The following CPED1 variants were observed in gnomAD, a reference collection of about 807,000 sequenced individuals.
The protein encoded by CPED1 is cadherin like and PC-esterase domain containing 1.
Under a neutral mutation model 128.2 loss-of-function variants are expected in CPED1, and 114 were observed. The ratio of observed to expected loss-of-function variants is 0.89; its 90% CI spans 0.76 to 1.04. CPED1 has a LOEUF of 1.04. CPED1 is among the 50% of genes least tolerant of loss of function. The pLI is 0.00. For missense variants in CPED1, 1,211 were observed against 1,207.1 expected (o/e 1.00, Z -0.05); for synonymous variants, 462 against 426.7 (o/e 1.08, Z -1.02).
chr7:121,011,871 G>A lies in CPED1; in HGVS notation c.250-3794G>A, dbSNP rs537928403. ...AAACCAAATTAATTGAAAGGCTTAT[G>A]GAATTTCGAATATAAAGTTACAATA... On this transcript the variant is annotated intron_variant, in intron 2 of 22. Transcript: ENST00000310396. Among the ~76,000 whole-genome samples the A allele has an allele frequency of 1.1e-4, 17 of 152,080 alleles. No homozygotes were observed. The South Asian group carries it at 3.5e-3, about 32-fold the overall frequency.
In CPED1 at chr7:121,266,324, C is replaced by A. The variant is rs1792121548; in HGVS notation, c.2408C>A (p.Thr803Asn). ...TLQEWQKVHGTKFYHNVNGGK... is the reference protein window; with the variant it reads ...TLQEWQKVHGNKFYHNVNGGK... ...CAGGAATGGCAGAAAGTACATGGCA[C>A]TAAATTCTATCACAACGTCAATGGT... The change falls in exon 19 of 23, where the codon ACT becomes AAT. Residue 803 changes from threonine (T) to asparagine (N), a missense_variant. Transcript: ENST00000310396. 2 of 1,613,156 alleles carry A rather than the reference C, an allele frequency of 1.2e-6. No individual in the cohort carries two copies. Among genetic ancestry groups the A allele is most frequent in the African/African-American group, 2.7e-5 (2 of 74,932 alleles).
rs142703201 is a variant in CPED1 at position 121,007,279 on chromosome 7, A to G, written c.250-8386A>G. ...TGCAACTTGCACTCTTCCATTCTCC[A>G]TTCTCTCCTCTCTTCTTCCTTCAGT... On this transcript the variant is annotated intron_variant, in intron 2 of 22. Coordinates refer to ENST00000310396, the MANE Select transcript of CPED1 (RefSeq NM_024913.5). 2.1e-3 allele frequency among the ~76,000 whole-genome samples: 268 copies of G among 124,698 alleles called. 2 individuals carry two copies. Among genetic ancestry groups the G allele is most frequent in the African/African-American group, 7.8e-3 (255 of 32,808 alleles). The allele number at this position is 124,698 out of a possible 152,430, so 81.8% of individuals were successfully genotyped here. A position where few individuals can be genotyped will look rare whatever the true frequency, so the allele number is the denominator to read the frequency against.
At chr7:121,104,039 T>C (rs1413113554) in intron 7 of CPED1, among the ~76,000 whole-genome samples, 1 of 152,074 alleles carries the variant, frequency 6.6e-6, no homozygotes, top group Admixed American at 6.6e-5. Flanking sequence ...GTGTTAGATG[T>C]TTCCCAAGGA....
intron 7 of CPED1, among the ~76,000 whole-genome samples, chr7:121,113,264 A>G (rs1454114789): frequency 1.3e-5 from 2 of 152,198 alleles, no homozygotes; most frequent in Non-Finnish European, 1.5e-5. Context: ...GGCCATGTGA[A>G]GAAAGACTCA....
chr7:121,018,721 A>G (rs896943577), intron 3 of CPED1, among the ~76,000 whole-genome samples: 10 of 152,084 alleles, frequency 6.6e-5, no homozygotes, highest in Admixed American at 2.0e-4. Context: ...AAATCTACTT[A>G]GAGTAGATTC....
At chr7:121,019,459 T>C (rs898259034) in intron 3 of CPED1, among the ~76,000 whole-genome samples, 8 of 152,006 alleles carry the variant, frequency 5.3e-5, no homozygotes, top group African/African-American at 1.9e-4. Flanking sequence ...TTTTACATGT[T>C]AAAAACAGCC....
At chr7:121,259,180 G>C (rs1006460774) in intron 18 of CPED1, among the ~76,000 whole-genome samples, 2 of 151,952 alleles carry the variant, frequency 1.3e-5, no homozygotes, top group Non-Finnish European at 2.9e-5. Flanking sequence ...CTGCCTATAG[G>C]GAAGGAACAA....
At chr7:121,189,760 T>TTATATATACATATA (rs1797087782) in intron 16 of CPED1, among the ~76,000 whole-genome samples, 1 of 47,468 alleles carries the variant, frequency 2.1e-5, no homozygotes, top group Non-Finnish European at 3.9e-5. Context: ...TTATGAGGTT[T>TTATATATACATATA]TATATATATA....
At chr7:121,174,985 G>A (rs1359657950) in intron 16 of CPED1, among the ~76,000 whole-genome samples, 1 of 152,022 alleles carries the variant, frequency 6.6e-6, no homozygotes, top group African/African-American at 2.4e-5. Context: ...GGTGAAAATT[G>A]TGAATGCGAT....
At chr7:121,214,745 C>T (rs1005437047) in intron 16 of CPED1, among the ~76,000 whole-genome samples, 6 of 152,002 alleles carry the variant, frequency 3.9e-5, no homozygotes, top group African/African-American at 1.4e-4. Context: ...TGAATATTAA[C>T]TTTTAATTTC....
intron 3 of CPED1, among the ~76,000 whole-genome samples, chr7:121,022,063 A>C (rs889233911): frequency 6.6e-6 from 1 of 151,994 alleles, no homozygotes; most frequent in South Asian, 2.1e-4. Flanking sequence ...ATTAAAAAAA[A>C]AATCTGTAAG....
At chr7:121,288,369 G>T (rs1401032424) in intron 22 of CPED1, among the ~76,000 whole-genome samples, 6 of 152,154 alleles carry the variant, frequency 3.9e-5, no homozygotes, top group Admixed American at 3.3e-4. Flanking sequence ...GTTCCATTTT[G>T]AAGAACATAT....
chr7:121,282,875 A>G lies in CPED1; in HGVS notation c.2868+11445A>G, dbSNP rs544616923. Among the ~76,000 whole-genome samples the G allele has an allele frequency of 4.4e-4, 67 of 152,200 alleles. 1 individual carries two copies. The highest frequency in any genetic ancestry group is 1.9e-4 in the Non-Finnish European group (13 of 68,034). On this transcript the variant is annotated intron_variant, in intron 22 of 22. Coordinates refer to ENST00000310396, the MANE Select transcript of CPED1 (RefSeq NM_024913.5). ...TATAGTCCCCTTGAGGGTAGGGACC[A>G]TATCTGAATTACTCCATGTGTTTCC...
At chr7:121,054,568 T>G (rs1428928966) in intron 4 of CPED1, among the ~76,000 whole-genome samples, 1 of 152,186 alleles carries the variant, frequency 6.6e-6, no homozygotes, top group African/African-American at 2.4e-5. Flanking sequence ...CTCCCTTCAG[T>G]GTGGCTATGT....
chr7:121,252,175 C>G (rs1253022364), intron 18 of CPED1, among the ~76,000 whole-genome samples: 1 of 151,330 alleles, frequency 6.6e-6, no homozygotes. Context: ...CTACAACTAT[C>G]TGATCTTTGA....
At chr7:121,065,631 A>G (rs931676196) in intron 5 of CPED1, among the ~76,000 whole-genome samples, 3 of 152,134 alleles carry the variant, frequency 2.0e-5, no homozygotes, top group African/African-American at 4.8e-5. Context: ...AAGGCTGTTT[A>G]TGGTCAGAAA....
intron 7 of CPED1, among the ~76,000 whole-genome samples, chr7:121,107,262 C>A (rs1795000607): frequency 6.6e-6 from 1 of 151,976 alleles, no homozygotes; most frequent in Non-Finnish European, 1.5e-5. Flanking sequence ...ACTTTAACAA[C>A]AAGGCTTAAC....
At chr7:121,260,986 A>G (rs1792004379) in intron 18 of CPED1, among the ~76,000 whole-genome samples, 1 of 152,118 alleles carries the variant, frequency 6.6e-6, no homozygotes, top group Non-Finnish European at 1.5e-5. Context: ...GAAGACTCTG[A>G]GAAGCTAACG....
intron 17 of CPED1, among the ~76,000 whole-genome samples, chr7:121,237,684 T>C (rs541554178): frequency 6.6e-6 from 1 of 152,162 alleles, no homozygotes; most frequent in Non-Finnish European, 1.5e-5. Context: ...TCTGTCCTCC[T>C]GACCCCAAGT....
Sources: allele counts gnomAD v4.1 joint callset (sites outside exome capture counted in the v4.1 genomes callset), GRCh38; gene constraint gnomAD v4.1.1; transcripts MANE v1.5; gene names NCBI Gene and HGNC (gene_info 2026-07-23, HGNC 2026-07-21).